The following ASMT variants were observed in gnomAD, a reference collection of about 807,000 sequenced individuals.
ASMT encodes the protein acetylserotonin N-methyltransferase.
Under a neutral mutation model 41.3 loss-of-function variants are expected in ASMT, and 53 were observed. That is an observed-to-expected ratio of 1.28 (90% confidence interval 1.03 to 1.61). The LOEUF is 1.61. ASMT is among the 40% of genes most tolerant of loss of function. The pLI is 0.00. For missense variants in ASMT, 531 were observed against 441.3 expected, an observed-to-expected ratio of 1.20 and a Z score of -1.82; for synonymous variants, 231 against 184.8, an observed-to-expected ratio of 1.25 and a Z score of -2.03.
At chrX:1,617,123 T>A (rs1487797646) in intron 1 of ASMT, among the ~76,000 whole-genome samples, 2 of 151,980 alleles carry the variant, frequency 1.3e-5, no homozygotes, top group African/African-American at 4.8e-5. Context: ...CAGTGAGCTA[T>A]GATTGCACCA....
chrX:1,623,015 A>G (rs1465255231), intron 1 of ASMT, 124 bp from the exon 2 acceptor site: 6 of 866,630 alleles, frequency 6.9e-6, no homozygotes, highest in African/African-American at 1.7e-5. Flanking sequence ...AAAAATAAAT[A>G]AATGAATAAG....
At chrX:1,619,150 C>T in intron 1 of ASMT, among the ~76,000 whole-genome samples, 1 of 152,214 alleles carries the variant, frequency 6.6e-6, no homozygotes, top group East Asian at 1.9e-4. Context: ...AATCCCAGCA[C>T]TTTGGGAGGC....
At chrX:1,619,830 G>A (rs1223261366) in intron 1 of ASMT, among the ~76,000 whole-genome samples, 41 of 152,008 alleles carry the variant, frequency 2.7e-4, no homozygotes, top group African/African-American at 9.6e-4. Context: ...GGTGGCTCAT[G>A]CCTGTAATCT....
chrX:1,625,883 A>C (rs1435395536), intron 3 of ASMT, among the ~76,000 whole-genome samples: 2 of 139,412 alleles, frequency 1.4e-5, no homozygotes, highest in African/African-American at 2.7e-5. Context: ...TGAACCCGGG[A>C]GGCGGAGGTT....
chrX:1,617,377 G>A (rs113856609), intron 1 of ASMT, among the ~76,000 whole-genome samples: 1 of 150,408 alleles, frequency 6.6e-6, no homozygotes, highest in African/African-American at 2.4e-5. Flanking sequence ...GGCTGAGGCA[G>A]GAGAATTGCT....
chrX:1,625,664 T>A (rs1465063838), intron 3 of ASMT, among the ~76,000 whole-genome samples: 2 of 150,060 alleles, frequency 1.3e-5, no homozygotes, highest in Non-Finnish European at 3.0e-5. Flanking sequence ...TAGAAAGGAG[T>A]GTCTGGGTGG....
chrX:1,640,556 G>C (rs1331996239), intron 8 of ASMT, among the ~76,000 whole-genome samples: 1 of 53,112 alleles, frequency 1.9e-5, no homozygotes, highest in Non-Finnish European at 3.1e-5. Context: ...CAGTGTCCCA[G>C]TGTCCTGTGA....
intron 7 of ASMT, among the ~76,000 whole-genome samples, chrX:1,635,656 G>A (rs1934930991): frequency 1.3e-5 from 2 of 152,066 alleles, no homozygotes; most frequent in South Asian, 4.1e-4. Context: ...CAGGTTGGGG[G>A]TTCGAGACCA....
intron 5 of ASMT, among the ~76,000 whole-genome samples, chrX:1,631,291 C>T (rs1257028077): frequency 6.6e-6 from 1 of 151,624 alleles, no homozygotes; most frequent in Non-Finnish European, 1.5e-5. Context: ...TCATGCAGTC[C>T]TCCTGCCTCG....
intron 1 of ASMT, among the ~76,000 whole-genome samples, chrX:1,619,301 C>T (rs1250397669): frequency 2.0e-5 from 3 of 149,256 alleles, no homozygotes; most frequent in Non-Finnish European, 3.0e-5. Context: ...GGCTGAGGCA[C>T]GAGAATGGCG....
At chrX:1,627,123 G>C (rs186825385) in intron 3 of ASMT, among the ~76,000 whole-genome samples, 1 of 148,122 alleles carries the variant, frequency 6.8e-6, no homozygotes, top group Admixed American at 6.8e-5. Context: ...TCAGGAGTTC[G>C]AGACCAGCCT....
Position 1,636,007 on chromosome X carries a change from G to C in ASMT, c.788-431G>C, listed in dbSNP as rs781276047. ...CAGTCTCGCTGTCGCCCAGGCTGGA[G>C]TGCAATGGTGCAATCTCGGCTCACT... is the stretch of plus-strand genomic sequence containing the variant. On this transcript the variant is annotated intron_variant, in intron 7 of 8. Transcript: ENST00000381241. Among the ~76,000 whole-genome samples, 29 of 149,058 alleles carry C rather than the reference G, an allele frequency of 1.9e-4. No homozygotes were observed. In the East Asian group the frequency reaches 5.8e-3, roughly 30 times the overall value.
rs1330663748 is a variant in ASMT, at chrX:1,625,104, C to CT, written c.374+709dup. On this transcript the variant is annotated intron_variant, in intron 3 of 8. Coordinates refer to ENST00000381241, the MANE Select transcript of ASMT (RefSeq NM_001171038.2). Reference sequence around the variant, plus strand: ...TTTTCTTTGTTTTTTCTTTTCTTTTCTTTCTTTTTTTTTTTTTTGAGATGG... The same window carrying CT: ...TTTTCTTTGTTTTTTCTTTTCTTTTCTTTTCTTTTTTTTTTTTTTGAGATGG... Among the ~76,000 whole-genome samples, 149 of 127,388 alleles carry CT rather than the reference C, an allele frequency of 1.2e-3. 3 individuals carry two copies. Among genetic ancestry groups the CT allele is most frequent in the African/African-American group, 2.9e-3 (95 of 32,654 alleles). 83.6% of individuals were successfully genotyped at this position (127,388 alleles called of 152,430 possible). A position where few individuals can be genotyped will look rare whatever the true frequency, so the allele number is the denominator to read the frequency against.
At chrX:1,629,369 C>T (rs185436074) in intron 4 of ASMT, among the ~76,000 whole-genome samples, 1 of 152,166 alleles carries the variant, frequency 6.6e-6, no homozygotes, top group East Asian at 1.9e-4. Flanking sequence ...GAGCCCTGTC[C>T]GCCTCTGTGT....
intron 5 of ASMT, among the ~76,000 whole-genome samples, chrX:1,632,262 G>C (rs1486746741): frequency 1.3e-5 from 2 of 152,156 alleles, no homozygotes; most frequent in African/African-American, 4.8e-5. Flanking sequence ...CCATATGGAA[G>C]TTTGGAGCTT....
At chrX:1,615,689 C>G (rs1275749878) in intron 1 of ASMT, among the ~76,000 whole-genome samples, 1 of 151,850 alleles carries the variant, frequency 6.6e-6, no homozygotes, top group South Asian at 2.1e-4. Flanking sequence ...ATAATCCCAG[C>G]TACTTGGGAG....
chrX:1,632,523 C>T lies in ASMT; in HGVS notation c.563-181C>T, dbSNP rs1367081464. On this transcript the variant is annotated intron_variant, in intron 5 of 8. Transcript: ENST00000381241. ...TAAAAAAATTAGCTGGGCGTGGTGG[C>T]GGGCGCCTGTAGTCCCAGCTACTGG... Among the ~76,000 whole-genome samples the T allele has an allele frequency of 1.4e-4, 22 of 151,988 alleles. 1 individual carries two copies. In the East Asian group the frequency reaches 3.1e-3, roughly 21 times the overall value.
chrX:1,616,360 A>G (rs5989853), intron 1 of ASMT, among the ~76,000 whole-genome samples: 43,434 of 150,786 alleles, frequency 0.29, 7,208 homozygotes, highest in South Asian at 0.41. Context: ...AAGGCCCCAT[A>G]TGGTATGACT....
rs745638103 is a variant in ASMT, at chrX:1,619,254, C to T, written c.70-3885C>T. Among the ~76,000 whole-genome samples the T allele has an allele frequency of 5.3e-5, 8 of 151,788 alleles. No individual in the cohort carries two copies. In the South Asian group the frequency reaches 1.5e-3, roughly 28 times the overall value. ...ACTAAAAATACAAAAATTACCTGGG[C>T]GTGGTGGCGGGCACCTGTAGTACCA... On this transcript the variant is annotated intron_variant, in intron 1 of 8. Coordinates refer to ENST00000381241, the MANE Select transcript of ASMT (RefSeq NM_001171038.2).
Sources: allele counts gnomAD v4.1 joint callset (sites outside exome capture counted in the v4.1 genomes callset), GRCh38; gene constraint gnomAD v4.1.1; transcripts MANE v1.5; gene names NCBI Gene and HGNC (gene_info 2026-07-23, HGNC 2026-07-21).